Variants in DCBLD2 observed in about 807,000 individuals in gnomAD.
DCBLD2 encodes discoidin, CUB and LCCL domain-containing protein 2.
In DCBLD2, 54 loss-of-function variants were observed where a neutral mutation model predicts 86.8. The ratio of observed to expected loss-of-function variants is 0.62; its 90% CI spans 0.50 to 0.78. The LOEUF (loss-of-function observed/expected upper bound fraction) is 0.78, where lower values mean the gene tolerates loss of function less well. DCBLD2 is among the 30% of genes least tolerant of loss of function. The pLI is 0.00. For missense variants in DCBLD2, 908 were observed against 954.2 expected, an observed-to-expected ratio of 0.95 and a Z score of 0.64; for synonymous variants, 354 against 341.3, an observed-to-expected ratio of 1.04 and a Z score of -0.41.
chr3:98,861,820 A>G (rs553068779), intron 2 of DCBLD2, among the ~76,000 whole-genome samples: 2 of 152,310 alleles, frequency 1.3e-5, no homozygotes, highest in East Asian at 3.9e-4. Flanking sequence ...AAAGAACTAG[A>G]GAAGCAAGAG....
In DCBLD2 at chr3:98,849,617, C is replaced by T. The variant is rs1312713221; in HGVS notation, c.434-19G>A. The stretch of plus-strand genomic sequence containing the variant: ...TATTTGCCTAGGAATGAAAGAAAAG[C>T]AGATTATTTGGGATGACTCTCATGA... On this transcript the variant is annotated intron_variant, in intron 2 of 15. Coordinates refer to ENST00000326840, the MANE Select transcript of DCBLD2 (RefSeq NM_080927.4). 1 of 1,600,538 alleles carries T rather than the reference C, an allele frequency of 6.2e-7. No individual in the cohort carries two copies.
At chr3:98,864,621 G>A (rs563465055) in intron 2 of DCBLD2, among the ~76,000 whole-genome samples, 48 of 152,150 alleles carry the variant, frequency 3.2e-4, no homozygotes, top group Non-Finnish European at 5.1e-4. Flanking sequence ...ACCAAACAGC[G>A]CATGTTCTCA....
chr3:98,821,424 T>C (rs1942116639), intron 6 of DCBLD2, among the ~76,000 whole-genome samples: 1 of 152,246 alleles, frequency 6.6e-6, no homozygotes, highest in African/African-American at 2.4e-5. Context: ...TAGAACACTA[T>C]AGTTACCATG....
At chr3:98,881,794 AATT>A in intron 1 of DCBLD2, 27 bp from the exon 2 acceptor site, 1 of 1,566,628 alleles carries the variant, frequency 6.4e-7, no homozygotes, top group Non-Finnish European at 8.7e-7. Context: ...AAGAATGATA[AATT>A]ATTCTCACAT....
At chr3:98,865,512 C>T (rs912809555) in intron 2 of DCBLD2, among the ~76,000 whole-genome samples, 1 of 152,018 alleles carries the variant, frequency 6.6e-6, no homozygotes, top group Non-Finnish European at 1.5e-5. Context: ...ATTTCAGTTA[C>T]ATAGGAGTGA....
At chr3:98,862,564 C>T (rs1943063633) in intron 2 of DCBLD2, among the ~76,000 whole-genome samples, 1 of 152,192 alleles carries the variant, frequency 6.6e-6, no homozygotes. Flanking sequence ...GCTGGTTGAA[C>T]ATATGCAAAT....
chr3:98,867,611 C>T (rs1197630058), intron 2 of DCBLD2, among the ~76,000 whole-genome samples: 1 of 152,132 alleles, frequency 6.6e-6, no homozygotes, highest in African/African-American at 2.4e-5. Flanking sequence ...AACTTCAACA[C>T]ATATCCTTAG....
At chr3:98,869,337 G>A (rs974057099) in intron 2 of DCBLD2, among the ~76,000 whole-genome samples, 15 of 152,078 alleles carry the variant, frequency 9.9e-5, no homozygotes, top group Non-Finnish European at 2.1e-4. Flanking sequence ...TGTAGATTAC[G>A]GACATTAGTC....
At chr3:98,871,855 GTTC>G (rs767915472) in intron 2 of DCBLD2, among the ~76,000 whole-genome samples, 3 of 152,152 alleles carry the variant, frequency 2.0e-5, no homozygotes, top group Non-Finnish European at 4.4e-5. Context: ...ATTGGCATCA[GTTC>G]TTCTTTCCAT....
At chr3:98,879,131 A>T (rs1478577088) in intron 2 of DCBLD2, among the ~76,000 whole-genome samples, 1 of 152,160 alleles carries the variant, frequency 6.6e-6, no homozygotes, top group Non-Finnish European at 1.5e-5. Context: ...TCTTTATAGG[A>T]ATTTTCAAAA....
rs1334264708 is a variant in DCBLD2, at chr3:98,886,497, CACTA to C, written c.206-4734_206-4731del. Among the ~76,000 whole-genome samples the C allele has an allele frequency of 4.6e-5, 7 of 152,160 alleles. No individual in the cohort carries two copies. In the South Asian group the frequency reaches 1.5e-3, roughly 32 times the overall value. ...CATACATTCTCACCAACTCCAACTT[CACTA>C]ACTTTCTCCTTCTCCAAACTCCATC... On this transcript the variant is annotated intron_variant, in intron 1 of 15. Coordinates refer to ENST00000326840, the MANE Select transcript of DCBLD2 (RefSeq NM_080927.4).
Position 98,901,241 on chromosome 3 carries a change from G to A in DCBLD2, c.86C>T (p.Ala29Val). The change falls in exon 1 of 16, where the codon GCG (alanine) becomes GTG (valine). Residue 29 changes from alanine (A) to valine (V), a missense_variant. Ala to Val is a moderately conservative substitution (Grantham distance 64, BLOSUM62 0). Transcript: ENST00000326840. ...RAAAAAPAWA[A>V]LPLSRSLPPC... ...AGGGAGGGAGCGGGAGAGGGGGAGCGCGGCCCAGGCGGGGGCGGCGGCCGC... is the reference window on the plus strand; with the variant it reads ...AGGGAGGGAGCGGGAGAGGGGGAGCACGGCCCAGGCGGGGGCGGCGGCCGC... 1 of 1,534,056 alleles carries A rather than the reference G, an allele frequency of 6.5e-7. No homozygotes were observed. The highest frequency in any genetic ancestry group is 8.7e-7 in the Non-Finnish European group (1 of 1,146,218).
chr3:98,841,494 TTTATG>T (rs1381413841), intron 3 of DCBLD2, among the ~76,000 whole-genome samples: 1 of 152,204 alleles, frequency 6.6e-6, no homozygotes, highest in Non-Finnish European at 1.5e-5. Flanking sequence ...GAAAATATAT[TTTATG>T]TTAACAAATG....
intron 7 of DCBLD2, 117 bp from the exon 8 acceptor site, chr3:98,819,534 C>T (rs1407503588): frequency 7.7e-6 from 8 of 1,041,214 alleles, no homozygotes; most frequent in Middle Eastern, 2.1e-4. Context: ...ACTAATAATA[C>T]ACTGTAACAG....
In DCBLD2 at chr3:98,901,490, C is replaced by T. The variant is rs1272192063; in HGVS notation, c.-164G>A. On this transcript the variant is annotated 5_prime_UTR_variant, in exon 1 of 16. Coordinates refer to ENST00000326840, the MANE Select transcript of DCBLD2 (RefSeq NM_080927.4). ...CTTCCGCCCCTCACCCCGCTTTCAC[C>T]TACTCCTCCTTCGTCCCTTCCCTCC... 2 of 586,776 alleles carry T rather than the reference C, an allele frequency of 3.4e-6. No individual in the cohort carries two copies. The highest frequency in any genetic ancestry group is 2.0e-5 in the African/African-American group (1 of 50,942). 36.3% of individuals were successfully genotyped at this position (586,776 alleles called of 1,614,324 possible).
chr3:98,855,459 C>T (rs750761848), intron 2 of DCBLD2, among the ~76,000 whole-genome samples: 11 of 152,132 alleles, frequency 7.2e-5, no homozygotes, highest in Admixed American at 1.3e-4. Flanking sequence ...TCCTCTTCTA[C>T]GTATAGAAAT....
chr3:98,864,844 AAATAAT>A (rs984237500), intron 2 of DCBLD2, among the ~76,000 whole-genome samples: 1 of 152,164 alleles, frequency 6.6e-6, no homozygotes. Flanking sequence ...CCTAGAACTT[AAATAAT>A]AATAAAAAAA....
intron 1 of DCBLD2, among the ~76,000 whole-genome samples, chr3:98,896,142 A>T (rs1943746039): frequency 6.6e-6 from 1 of 152,360 alleles, no homozygotes; most frequent in African/African-American, 2.4e-5. Flanking sequence ...ATCAGGGTGC[A>T]CGTTCAGCTG....
At chr3:98,809,509 T>C (rs936986877) in intron 12 of DCBLD2, among the ~76,000 whole-genome samples, 2 of 151,894 alleles carry the variant, frequency 1.3e-5, no homozygotes, top group African/African-American at 2.4e-5. Context: ...TTCACTGCAG[T>C]GAACAGAGGA....
Sources: allele counts gnomAD v4.1 joint callset (sites outside exome capture counted in the v4.1 genomes callset), GRCh38; gene constraint gnomAD v4.1.1; transcripts MANE v1.5; gene names NCBI Gene and HGNC (gene_info 2026-07-23, HGNC 2026-07-21).